The following ATP5F1A variants were observed in gnomAD, a reference collection of about 807,000 sequenced individuals.
ATP5F1A encodes ATP synthase F1 subunit alpha.
ATP5F1A carries 24 observed loss-of-function variants against 57.4 expected under a neutral mutation model. The observed-to-expected ratio is 0.42, with a 90% CI of 0.30 to 0.59. The LOEUF (loss-of-function observed/expected upper bound fraction) is 0.59, where lower values mean the gene tolerates loss of function less well. ATP5F1A is among the 20% of genes least tolerant of loss of function. The pLI, the probability that ATP5F1A is intolerant of heterozygous loss-of-function variation, is 0.19. For synonymous variants in ATP5F1A, 251 were observed against 255.5 expected (o/e 0.98, Z 0.17); for missense variants, 494 against 707.9 (o/e 0.70, Z 3.43).
At position 46,089,736 on chromosome 18, in the gene ATP5F1A, TTAAAAAA is replaced by T; in HGVS notation, c.484-11_484-5del. On this transcript the variant is annotated splice_region_variant and splice_polypyrimidine_tract_variant and intron_variant, in intron 4 of 11. Transcript: ENST00000398752. ...GCGTCTTGGAACCAATTGGACCCTG[TTAAAAAA>T]TAAAAAGAAAAACCCTAAGCATAAT... is the stretch of plus-strand genomic sequence containing the variant. 6.2e-7 allele frequency: 1 copy of T among 1,612,958 alleles called. No individual in the cohort carries two copies. The highest frequency in any genetic ancestry group is 8.5e-7 in the Non-Finnish European group (1 of 1,179,688).
rs994462546 is a variant in ATP5F1A, at chr18:46,081,270, T to G, written c.*3012A>C. ...TACGTGCCAGGAGTGGGCTACGAGA[T>G]CCAGTCAACAAACAAACAATACATA... On this transcript the variant is annotated 3_prime_UTR_variant, in exon 12 of 12. Transcript: ENST00000398752. The G allele has an allele frequency of 6.7e-6, 1 of 150,304 alleles. No individual in the cohort carries two copies. The highest frequency in any genetic ancestry group is 2.5e-5 in the African/African-American group (1 of 40,750). 9.3% of individuals were successfully genotyped at this position (150,304 alleles called of 1,614,324 possible).
intron 10 of ATP5F1A, 106 bp downstream of exon 10, chr18:46,086,007 A>C (rs374054383): frequency 8.1e-6 from 10 of 1,232,258 alleles, no homozygotes; most frequent in African/African-American, 1.5e-5. Context: ...AAGATAACAG[A>C]TAACAACACG....
upstream of ATP5F1A, among the ~76,000 whole-genome samples, chr18:46,102,102 AG>A (rs1450132805): frequency 6.6e-6 from 1 of 151,032 alleles, no homozygotes; most frequent in African/African-American, 2.4e-5. Flanking sequence ...TGAACCCGGG[AG>A]GCGGAGCTTG....
At chr18:46,088,943 T>C (rs935108067) in intron 5 of ATP5F1A, among the ~76,000 whole-genome samples, 2 of 152,062 alleles carry the variant, frequency 1.3e-5, no homozygotes, top group African/African-American at 2.4e-5. Context: ...TGCACTGAGA[T>C]GTTTGTGTAA....
At chr18:46,103,329 C>T (rs1266973677) in intron 1 of ATP5F1A, among the ~76,000 whole-genome samples, 1 of 151,030 alleles carries the variant, frequency 6.6e-6, no homozygotes, top group Admixed American at 6.6e-5. Context: ...AAGAAAAGGT[C>T]GGGCGCAGTG....
intron 1 of ATP5F1A, among the ~76,000 whole-genome samples, chr18:46,103,412 C>A (rs1423486347): frequency 6.7e-6 from 1 of 150,354 alleles, no homozygotes; most frequent in African/African-American, 2.5e-5. Flanking sequence ...ACCAAGCTGG[C>A]CAACCTGATG....
At chr18:46,101,265 C>T (rs2467669), upstream of ATP5F1A, among the ~76,000 whole-genome samples, 6 of 151,834 alleles carry the variant, frequency 4.0e-5, no homozygotes, top group African/African-American at 1.2e-4. Context: ...GAAAAAATAT[C>T]GTTTCTAAAA....
Position 46,098,214 on chromosome 18 carries a change from A to G in ATP5F1A, c.18T>C (p.Val6=). The change falls in exon 1 of 12, where the codon GTT becomes GTC. Residue 6 remains valine (V), a synonymous_variant. Coordinates refer to ENST00000398752, the MANE Select transcript of ATP5F1A (RefSeq NM_004046.6). ...GAAGGGCGCGGACCACGGCCGCAGC[A>G]ACGCGCACGGACAGCATCTTTGCAG... MLSVR[V]AAAVVRALPR... 6 of 1,607,078 alleles carry G rather than the reference A, an allele frequency of 3.7e-6. No homozygotes were observed. The highest frequency in any genetic ancestry group is 5.1e-6 in the Non-Finnish European group (6 of 1,179,208).
At chr18:46,103,563 C>T (rs546275259) in intron 1 of ATP5F1A, among the ~76,000 whole-genome samples, 123 of 130,334 alleles carry the variant, frequency 9.4e-4, no homozygotes, top group South Asian at 2.5e-3. Context: ...AGCCGAGAGC[C>T]GAGATCGTGC....
chr18:46,104,190 G>A (rs1479628022), exon 1 of ATP5F1A: 2 of 405,720 alleles, frequency 4.9e-6, no homozygotes, highest in African/African-American at 2.1e-5. Context: ...CGGAAGGCGG[G>A]AAGAGCTGGG....
chr18:46,094,186 C>CACACACACATAT (rs140950200), intron 2 of ATP5F1A, among the ~76,000 whole-genome samples: 2 of 150,982 alleles, frequency 1.3e-5, no homozygotes, highest in Admixed American at 6.6e-5. Context: ...CACACACACA[C>CACACACACATAT]ATATACACAC....
At position 46,084,309 on chromosome 18, in the gene ATP5F1A, T is replaced by A. The variant is rs200512497; in HGVS notation, c.1635A>T (p.Thr545=). ...QSDAKLKEIV[T]NFLAGFEA ...AAGCTTCAAATCCAGCCAAGAAATTTGTTACAATCTCTTTCAGCTTTGCAT... is the reference window on the plus strand; with the variant it reads ...AAGCTTCAAATCCAGCCAAGAAATTAGTTACAATCTCTTTCAGCTTTGCAT... The change falls in exon 12 of 12, where the codon ACA becomes ACT. Residue 545 remains threonine (T), a synonymous_variant. Transcript: ENST00000398752. The A allele has an allele frequency of 1.9e-6, 3 of 1,613,058 alleles. No individual in the cohort carries two copies. The highest frequency in any genetic ancestry group is 2.2e-5 in the South Asian group (2 of 90,884).
In ATP5F1A at chr18:46,081,672, A is replaced by C. The variant is rs866667444; in HGVS notation, c.*2610T>G. The C allele has an allele frequency of 1.4e-4, 12 of 82,764 alleles. No individual in the cohort carries two copies. Among genetic ancestry groups the C allele is most frequent in the African/African-American group, 6.9e-4 (9 of 13,016 alleles). 5.1% of individuals were successfully genotyped at this position (82,764 alleles called of 1,614,324 possible). On this transcript the variant is annotated 3_prime_UTR_variant, in exon 12 of 12. Transcript: ENST00000398752. ...AGAGCAAAACTCTCAAAAAAAAAAAACAAAAAAAAAAAAAAAAAAAAAAAA... is the reference window on the plus strand; with the variant it reads ...AGAGCAAAACTCTCAAAAAAAAAAACCAAAAAAAAAAAAAAAAAAAAAAAA...
chr18:46,098,025 T>C, intron 1 of ATP5F1A, 147 bp downstream of exon 1: 6 of 1,424,550 alleles, frequency 4.2e-6, no homozygotes, highest in Non-Finnish European at 5.5e-6. Context: ...CTGTGTCGCC[T>C]GCTCTGTCCA....
At chr18:46,096,296 T>C (rs1910944966) in intron 1 of ATP5F1A, among the ~76,000 whole-genome samples, 1 of 150,796 alleles carries the variant, frequency 6.6e-6, no homozygotes, top group Admixed American at 6.6e-5. Flanking sequence ...AGGTCGGGAG[T>C]TGGAGACCAG....
At position 46,087,238 on chromosome 18, in the gene ATP5F1A, GT is replaced by G; in HGVS notation, c.952-7del. The G allele has an allele frequency of 6.2e-7, 1 of 1,613,920 alleles. No homozygotes were observed. The highest frequency in any genetic ancestry group is 8.5e-7 in the Non-Finnish European group (1 of 1,179,812). On this transcript the variant is annotated splice_region_variant and splice_polypyrimidine_tract_variant and intron_variant, in intron 7 of 11. Coordinates refer to ENST00000398752, the MANE Select transcript of ATP5F1A (RefSeq NM_004046.6). ...ATCTGACGGTAAGCAACAGCCTATG[GT>G]ACAGAATAGGTTTGTGAAGTTAACC...
chr18:46,101,344 C>T (rs1056404758), upstream of ATP5F1A, among the ~76,000 whole-genome samples: 2 of 151,724 alleles, frequency 1.3e-5, no homozygotes, highest in Non-Finnish European at 2.9e-5. Context: ...GCAGGCAGAT[C>T]GCCTGAGGTC....
Position 46,089,744 on chromosome 18 carries a change from T to TA in ATP5F1A, c.484-13dup, listed in dbSNP as rs750876999. 5.6e-6 allele frequency: 9 copies of TA among 1,611,834 alleles called. No homozygotes were observed. The African/African-American group carries it at 1.2e-4, about 22-fold the overall frequency. On this transcript the variant is annotated splice_polypyrimidine_tract_variant and intron_variant, in intron 4 of 11. Coordinates refer to ENST00000398752, the MANE Select transcript of ATP5F1A (RefSeq NM_004046.6). ...GAACCAATTGGACCCTGTTAAAAAA[T>TA]AAAAAGAAAAACCCTAAGCATAATC...
chr18:46,092,465 A>C (rs1910637064), intron 2 of ATP5F1A, among the ~76,000 whole-genome samples: 1 of 150,488 alleles, frequency 6.6e-6, no homozygotes, highest in African/African-American at 2.4e-5. Context: ...AAAAAAAATT[A>C]GCTGGGCACG....
Sources: gnomAD v4.1 joint callset for allele counts (sites outside exome capture counted in the v4.1 genomes callset) on GRCh38, gnomAD v4.1.1 for gene constraint, MANE v1.5 for transcripts, NCBI Gene and HGNC (gene_info 2026-07-23, HGNC 2026-07-21) for gene names.